Variants in COL24A1 observed in about 807,000 individuals in gnomAD.
COL24A1 encodes collagen alpha-1(XXIV) chain.
A neutral mutation model predicts 253.9 loss-of-function variants in COL24A1; 224 were observed. The ratio of observed to expected loss-of-function variants is 0.88; its 90% CI spans 0.79 to 0.99. The LOEUF (loss-of-function observed/expected upper bound fraction) is 0.99. Among genes scored for constraint, COL24A1 ranks in the 50% least tolerant of loss-of-function variants. The pLI, the probability that COL24A1 is intolerant of heterozygous loss-of-function variation, is 0.00. For missense variants in COL24A1, 2,131 were observed against 2,068.5 expected, an observed-to-expected ratio of 1.03 and a Z score of -0.59; for synonymous variants, 685 against 673.7, an observed-to-expected ratio of 1.02 and a Z score of -0.26.
At chr1:85,943,995 G>A (rs1688995048) in intron 24 of COL24A1, among the ~76,000 whole-genome samples, 1 of 152,216 alleles carries the variant, frequency 6.6e-6, no homozygotes, top group Admixed American at 6.5e-5. Flanking sequence ...GGCACTGTGT[G>A]TATATGTTAA....
At chr1:85,984,322 G>A (rs1384036782) in intron 20 of COL24A1, among the ~76,000 whole-genome samples, 2 of 151,696 alleles carry the variant, frequency 1.3e-5, no homozygotes, top group African/African-American at 4.8e-5. Flanking sequence ...CAATTACCCA[G>A]GAGAGAATCT....
intron 13 of COL24A1, among the ~76,000 whole-genome samples, chr1:86,033,259 T>C (rs976008763): frequency 6.6e-6 from 1 of 152,184 alleles, no homozygotes; most frequent in Non-Finnish European, 1.5e-5. Context: ...TGTTTTTTTC[T>C]AACTCACTTT....
chr1:85,765,650 A>C lies in COL24A1; in HGVS notation c.4375-4084T>G, dbSNP rs1044937243. Among the ~76,000 whole-genome samples the C allele has an allele frequency of 2.2e-4, 33 of 152,092 alleles. 1 individual carries two copies. In the East Asian group the frequency reaches 6.4e-3, roughly 29 times the overall value. On this transcript the variant is annotated intron_variant, in intron 53 of 59. Coordinates refer to ENST00000370571, the MANE Select transcript of COL24A1 (RefSeq NM_152890.7). ...TAGCTATTTGAGAGGCTGAGGTGGG[A>C]GGATTGCCTGAGCCCAGGAGTTCGA... is the stretch of plus-strand genomic sequence containing the variant.
intron 7 of COL24A1, among the ~76,000 whole-genome samples, chr1:86,069,656 A>AG (rs1701730460): frequency 7.3e-6 from 1 of 137,772 alleles, no homozygotes; most frequent in Admixed American, 7.2e-5. Flanking sequence ...CTGGCCCAGC[A>AG]AAGAGAGAGA....
chr1:85,747,101 C>CTTTTTT (rs34758363), intron 55 of COL24A1, among the ~76,000 whole-genome samples: 5 of 111,274 alleles, frequency 4.5e-5, no homozygotes, highest in Non-Finnish European at 7.1e-5. Flanking sequence ...TGAATTATAA[C>CTTTTTT]TTTTTTTTTT....
At chr1:86,110,600 C>A (rs1350273704) in intron 5 of COL24A1, among the ~76,000 whole-genome samples, 1 of 151,880 alleles carries the variant, frequency 6.6e-6, no homozygotes, top group Non-Finnish European at 1.5e-5. Context: ...GCGGCGCTCG[C>A]GAGCGAGCGC....
intron 12 of COL24A1, among the ~76,000 whole-genome samples, chr1:86,035,691 A>G (rs1698945233): frequency 6.6e-6 from 1 of 152,140 alleles, no homozygotes; most frequent in South Asian, 2.1e-4. Context: ...AAACTGCCAA[A>G]TTATATACTT....
chr1:86,139,315 GT>G (rs754574487), intron 2 of COL24A1, among the ~76,000 whole-genome samples: 13 of 152,052 alleles, frequency 8.5e-5, no homozygotes, highest in Non-Finnish European at 1.6e-4. Flanking sequence ...TCTAAACTCA[GT>G]GACTATATCA....
chr1:86,073,093 A>T (rs928704045), intron 7 of COL24A1, among the ~76,000 whole-genome samples: 2 of 152,210 alleles, frequency 1.3e-5, no homozygotes, highest in African/African-American at 4.8e-5. Context: ...ACTCCTCGCC[A>T]GCAAGTGAAC....
intron 19 of COL24A1, among the ~76,000 whole-genome samples, chr1:86,015,530 A>C (rs1696908687): frequency 6.6e-6 from 1 of 152,206 alleles, no homozygotes; most frequent in South Asian, 2.1e-4. Context: ...AACCATACTT[A>C]TAGCAAGGAG....
intron 7 of COL24A1, among the ~76,000 whole-genome samples, chr1:86,076,119 T>C (rs6686088): frequency 0.43 from 65,314 of 152,106 alleles, 14,695 homozygotes; most frequent in Middle Eastern, 0.64. Flanking sequence ...TGTTTGCAGA[T>C]GACATGATTG....
At chr1:85,868,971 G>A (rs749934450) in intron 35 of COL24A1, 136 bp from the exon 36 acceptor site, 1 of 566,964 alleles carries the variant, frequency 1.8e-6, no homozygotes, top group Non-Finnish European at 3.1e-6. Context: ...TTCTAAAGAG[G>A]ATTTGACAGT....
At chr1:85,892,904 C>T (rs188839276) in intron 31 of COL24A1, among the ~76,000 whole-genome samples, 1 of 151,864 alleles carries the variant, frequency 6.6e-6, no homozygotes, top group African/African-American at 2.4e-5. Flanking sequence ...ATAGAATTCT[C>T]AAAATTATTC....
intron 19 of COL24A1, among the ~76,000 whole-genome samples, chr1:85,994,937 T>C (rs1027003900): frequency 3.9e-5 from 6 of 152,212 alleles, no homozygotes; most frequent in African/African-American, 1.4e-4. Flanking sequence ...TCCATCATGA[T>C]ACTGCTGAGA....
chr1:85,970,785 C>A (rs1052379186), intron 21 of COL24A1, among the ~76,000 whole-genome samples: 5 of 152,026 alleles, frequency 3.3e-5, no homozygotes, highest in African/African-American at 1.2e-4. Context: ...AATATAAATT[C>A]TAGTATATAT....
chr1:85,991,056 A>ATC (rs1011579417), intron 19 of COL24A1, among the ~76,000 whole-genome samples: 1 of 152,238 alleles, frequency 6.6e-6, no homozygotes, highest in African/African-American at 2.4e-5. Context: ...TATTACTAAC[A>ATC]TCACACACAC....
chr1:85,730,519 C>G lies in COL24A1; in HGVS notation c.*27G>C. 6.2e-7 allele frequency: 1 copy of G among 1,609,344 alleles called. No individual in the cohort carries two copies. The highest frequency in any genetic ancestry group is 8.5e-7 in the Non-Finnish European group (1 of 1,176,550). ...TCTGCAGCAATTACCTGGCCAACAGCCTGAATTCGGAACTAATTCAGAGAC... is the reference window on the plus strand; with the variant it reads ...TCTGCAGCAATTACCTGGCCAACAGGCTGAATTCGGAACTAATTCAGAGAC... On this transcript the variant is annotated 3_prime_UTR_variant, in exon 60 of 60. Coordinates refer to ENST00000370571, the MANE Select transcript of COL24A1 (RefSeq NM_152890.7).
intron 2 of COL24A1, among the ~76,000 whole-genome samples, chr1:86,128,364 A>G (rs568232037): frequency 6.6e-6 from 1 of 152,128 alleles, no homozygotes; most frequent in Admixed American, 6.6e-5. Flanking sequence ...TGCCTAGCTC[A>G]ATCTGAGAAG....
intron 11 of COL24A1, among the ~76,000 whole-genome samples, chr1:86,049,817 C>T (rs1340409782): frequency 1.3e-5 from 2 of 151,902 alleles, no homozygotes; most frequent in Non-Finnish European, 2.9e-5. Flanking sequence ...TTGACATATA[C>T]TTTTGTAATT....
Sources: gnomAD v4.1 joint callset for allele counts (sites outside exome capture counted in the v4.1 genomes callset) on GRCh38, gnomAD v4.1.1 for gene constraint, MANE v1.5 for transcripts, NCBI Gene and HGNC (gene_info 2026-07-23, HGNC 2026-07-21) for gene names.